The following THRAP3 variants were observed in gnomAD, a reference collection of about 807,000 sequenced individuals.
THRAP3 encodes thyroid hormone receptor-associated protein 3.
THRAP3 carries 16 observed loss-of-function variants against 101.0 expected under a neutral mutation model. The observed-to-expected ratio is 0.16, with a 90% CI of 0.11 to 0.24. The LOEUF is 0.24. Ranked by LOEUF, THRAP3 falls within the 10% of genes least tolerant of loss-of-function variation. THRAP3 has a pLI of 1.00. For synonymous variants in THRAP3, 407 were observed against 422.6 expected, an observed-to-expected ratio of 0.96 and a Z score of 0.45; for missense variants, 989 against 1,202.7, an observed-to-expected ratio of 0.82 and a Z score of 2.63.
intron 9 of THRAP3, among the ~76,000 whole-genome samples, chr1:36,300,459 C>T (rs1010934313): frequency 6.6e-6 from 1 of 152,158 alleles, no homozygotes; most frequent in Non-Finnish European, 1.5e-5. Context: ...AGGTAGCATT[C>T]CTGTAAGAAA....
chr1:36,233,729 G>T (rs979073279), intron 1 of THRAP3, among the ~76,000 whole-genome samples: 1 of 152,058 alleles, frequency 6.6e-6, no homozygotes, highest in African/African-American at 2.4e-5. Context: ...TTGCACCACT[G>T]CACTCTAGCC....
chr1:36,301,436 TGACTGG>T, intron 10 of THRAP3, 111 bp from the exon 11 acceptor site: 1 of 1,300,522 alleles, frequency 7.7e-7, no homozygotes, highest in Non-Finnish European at 1.1e-6. Flanking sequence ...GACCAGCATA[TGACTGG>T]AAGACAGCTG....
chr1:36,282,642 T>C lies in THRAP3; in HGVS notation c.79T>C (p.Phe27Leu), dbSNP rs1239812006. The C allele has an allele frequency of 6.2e-7, 1 of 1,614,076 alleles. No individual in the cohort carries two copies. Among genetic ancestry groups the C allele is most frequent in the Non-Finnish European group, 8.5e-7 (1 of 1,180,036 alleles). ...TGCATCAAGATCTCGTTCTCGTTCATTTTCGAAGTCTCGGTCCCGAAGCCG... is the reference window on the plus strand; with the variant it reads ...TGCATCAAGATCTCGTTCTCGTTCACTTTCGAAGTCTCGGTCCCGAAGCCG... The part of the protein sequence containing the change: ...RSASRSRSRS[F>L]SKSRSRSRSL... The change falls in exon 3 of 12, where the codon TTT (phenylalanine) becomes CTT (leucine). Residue 27 changes from phenylalanine (F) to leucine (L), a missense_variant. By Grantham distance (22) the Phe-to-Leu change is conservative. Coordinates refer to ENST00000354618, the MANE Select transcript of THRAP3 (RefSeq NM_005119.4).
intron 10 of THRAP3, 34 bp from the exon 11 acceptor site, chr1:36,301,519 T>A (rs769985942): frequency 1.2e-6 from 2 of 1,604,546 alleles, no homozygotes; most frequent in Non-Finnish European, 1.7e-6. Flanking sequence ...CCTGGCATGA[T>A]CCTTTGTTCT....
intron 1 of THRAP3, among the ~76,000 whole-genome samples, chr1:36,237,790 A>C (rs534842341): frequency 8.5e-5 from 13 of 152,184 alleles, no homozygotes; most frequent in Middle Eastern, 6.8e-3. Context: ...AACAAACAAA[A>C]AAAAACAACT....
chr1:36,266,875 T>TATTTATTTATTC (rs926441845), intron 2 of THRAP3, among the ~76,000 whole-genome samples: 11 of 151,194 alleles, frequency 7.3e-5, no homozygotes, highest in Non-Finnish European at 1.3e-4. Context: ...TTTATTTATT[T>TATTTATTTATTC]ATTTATTTAT....
chr1:36,234,335 C>G (rs1254071306), intron 1 of THRAP3, among the ~76,000 whole-genome samples: 1 of 152,192 alleles, frequency 6.6e-6, no homozygotes, highest in Non-Finnish European at 1.5e-5. Context: ...TGTGAAAGCC[C>G]TGGTGGGGCA....
chr1:36,216,149 CAGG>C, the THRAP3 span, among the ~76,000 whole-genome samples: 1 of 152,044 alleles, frequency 6.6e-6, no homozygotes, highest in African/African-American at 2.4e-5. Context: ...AAGGCCTAAG[CAGG>C]AGGATTGCTT....
intron 9 of THRAP3, among the ~76,000 whole-genome samples, chr1:36,299,337 G>A (rs949803897): frequency 2.6e-5 from 4 of 151,760 alleles, no homozygotes; most frequent in Admixed American, 6.6e-5. Context: ...TGCTCAGGAG[G>A]CTGAGGCGGG....
chr1:36,239,257 C>CT (rs34860552), intron 1 of THRAP3, among the ~76,000 whole-genome samples: 14 of 108,218 alleles, frequency 1.3e-4, no homozygotes, highest in African/African-American at 5.2e-4. Context: ...CCAGGCTGGT[C>CT]TTTTTTTTTT....
chr1:36,233,659 A>T (rs1230462574), intron 1 of THRAP3, among the ~76,000 whole-genome samples: 1 of 152,018 alleles, frequency 6.6e-6, no homozygotes, highest in African/African-American at 2.4e-5. Context: ...CCAGCTACTT[A>T]GGGGGCTGAG....
At chr1:36,269,475 C>G (rs1027929841) in intron 2 of THRAP3, among the ~76,000 whole-genome samples, 8 of 152,062 alleles carry the variant, frequency 5.3e-5, no homozygotes, top group African/African-American at 1.9e-4. Context: ...TACTTCATGT[C>G]CTGTAATTGG....
chr1:36,294,478 A>G (rs769501478), intron 8 of THRAP3, among the ~76,000 whole-genome samples: 24 of 152,204 alleles, frequency 1.6e-4, no homozygotes, highest in Non-Finnish European at 2.2e-4. Context: ...TGTGCACGTA[A>G]ACACTGTTAA....
intron 1 of THRAP3, among the ~76,000 whole-genome samples, chr1:36,244,056 G>C (rs1261767004): frequency 6.6e-6 from 1 of 152,078 alleles, no homozygotes; most frequent in Admixed American, 6.5e-5. Flanking sequence ...CGGGGCGGCT[G>C]GCCGGGCAGA....
intron 2 of THRAP3, among the ~76,000 whole-genome samples, chr1:36,262,982 T>C (rs1645466394): frequency 6.9e-6 from 1 of 144,664 alleles, no homozygotes; most frequent in Non-Finnish European, 1.5e-5. Flanking sequence ...TTTTTTTTTT[T>C]TGTATTTTCA....
At chr1:36,303,769 A>G (rs1646059159) in intron 11 of THRAP3, 27 bp from the exon 12 acceptor site, 2 of 1,613,648 alleles carry the variant, frequency 1.2e-6, no homozygotes, top group East Asian at 2.2e-5. Context: ...TCACTCTGGC[A>G]CTGATGGCAA....
chr1:36,256,674 A>T (rs990862770), intron 1 of THRAP3, among the ~76,000 whole-genome samples: 4 of 152,208 alleles, frequency 2.6e-5, no homozygotes, highest in African/African-American at 9.7e-5. Context: ...TAAACACTCC[A>T]GTGGCTGCCC....
intron 2 of THRAP3, among the ~76,000 whole-genome samples, chr1:36,270,577 G>GTTTTTTTT (rs869142351): frequency 5.8e-5 from 2 of 34,654 alleles, no homozygotes; most frequent in East Asian, 4.6e-3. Flanking sequence ...TTAGGTTTTT[G>GTTTTTTTT]TTTTTTTTTT....
chr1:36,286,323 T>C lies in THRAP3; in HGVS notation c.138-45T>C. 6.6e-7 allele frequency: 1 copy of C among 1,515,108 alleles called. No homozygotes were observed. Among genetic ancestry groups the C allele is most frequent in the Non-Finnish European group, 8.9e-7 (1 of 1,129,626 alleles). The allele number at this position is 1,515,108 out of a possible 1,614,324, so 93.9% of individuals were successfully genotyped here. ...ACAGATTTTTCTTGAATAAAAATGCTTGTGTCAAAAATTCAAACATTTGTC... is the reference window on the plus strand; with the variant it reads ...ACAGATTTTTCTTGAATAAAAATGCCTGTGTCAAAAATTCAAACATTTGTC... On this transcript the variant is annotated intron_variant, in intron 3 of 11. Coordinates refer to ENST00000354618, the MANE Select transcript of THRAP3 (RefSeq NM_005119.4). The surrounding 1 kb of genome is among the most constrained non-coding windows in gnomAD (Gnocchi z 5.5).
Sources: allele counts gnomAD v4.1 joint callset (sites outside exome capture counted in the v4.1 genomes callset), GRCh38; gene constraint gnomAD v4.1.1; non-coding constraint Gnocchi (gnomAD v3.1); transcripts MANE v1.5; gene names NCBI Gene and HGNC (gene_info 2026-07-23, HGNC 2026-07-21).